Variants in JOSD2 observed in about 807,000 individuals in gnomAD.
JOSD2 encodes josephin-2.
JOSD2 carries 20 observed loss-of-function variants against 19.3 expected under a neutral mutation model. That is an observed-to-expected ratio of 1.04 (90% CI 0.73 to 1.51). JOSD2 has a LOEUF of 1.51. Ranked by LOEUF, JOSD2 falls within the 40% of genes most tolerant of loss-of-function variation. The probability of loss-of-function intolerance (pLI) is 0.00; values close to 1 mark genes in which losing one functional copy is unlikely to be tolerated. For missense variants in JOSD2, 215 were observed against 250.4 expected (o/e 0.86, Z 0.95); for synonymous variants, 118 against 123.7 (o/e 0.95, Z 0.31).
intron 3 of JOSD2, among the ~76,000 whole-genome samples, chr19:50,506,858 C>A (rs1025947690): frequency 1.4e-5 from 2 of 146,740 alleles, no homozygotes; most frequent in African/African-American, 5.1e-5. Context: ...ACCACCATCA[C>A]CCTGTCTGTC....
At chr19:50,507,342 C>G (rs1029750760) in intron 3 of JOSD2, among the ~76,000 whole-genome samples, 1 of 151,998 alleles carries the variant, frequency 6.6e-6, no homozygotes, top group African/African-American at 2.4e-5. Flanking sequence ...TTCACTCCCC[C>G]TGACCCAACA....
chr19:50,509,539 G>C (rs1263143824), intron 2 of JOSD2, among the ~76,000 whole-genome samples: 1 of 152,204 alleles, frequency 6.6e-6, no homozygotes, highest in East Asian at 1.9e-4. Flanking sequence ...TTTGAGGGGG[G>C]CCGTGAGGGC....
Position 50,507,623 on chromosome 19 carries a change from C to T in JOSD2, c.223G>A (p.Ala75Thr). ...TGNYDVNVIM[A>T]ALQGLGLAAV... ...GCCAGGCCCAGCCCCTGCAGAGCGG[C>T]CATGATCACATTGACATCATAGTTG... The change falls in exon 3 of 5, where the codon GCC becomes ACC. Residue 75 changes from alanine to threonine, a missense_variant. Physicochemically the swap from Ala to Thr is moderately conservative, Grantham distance 58 (BLOSUM62 0). Transcript: ENST00000598418. The T allele has an allele frequency of 6.2e-7, 1 of 1,611,052 alleles. No homozygotes were observed. Among genetic ancestry groups the T allele is most frequent in the Non-Finnish European group, 8.5e-7 (1 of 1,179,936 alleles).
At chr19:50,509,922 G>A (rs1191421932) in intron 2 of JOSD2, among the ~76,000 whole-genome samples, 2 of 151,718 alleles carry the variant, frequency 1.3e-5, no homozygotes, top group African/African-American at 4.8e-5. Context: ...GCGTGGTGGC[G>A]GGTGCCTGTA....
At chr19:50,511,009 C>T in intron 1 of JOSD2, 108 bp downstream of exon 1, 2 of 438,300 alleles carry the variant, frequency 4.6e-6, no homozygotes, top group Non-Finnish European at 4.6e-6. Context: ...AGTTCCTCTT[C>T]CTATCACCCA....
chr19:50,510,590 C>T lies in JOSD2; in HGVS notation c.-17-142G>A, dbSNP rs148854267. ...GACACTGGGCCCCTGACCCCGCTCCCTGGCAGTCTCCTGGCAGCACACGTC... is the reference window on the plus strand; with the variant it reads ...GACACTGGGCCCCTGACCCCGCTCCTTGGCAGTCTCCTGGCAGCACACGTC... On this transcript the variant is annotated intron_variant, in intron 1 of 4. Coordinates refer to ENST00000598418, the MANE Select transcript of JOSD2 (RefSeq NM_001270639.2). 1,665 of 705,066 alleles carry T rather than the reference C, an allele frequency of 2.4e-3. 23 individuals are homozygous for T. In the African/African-American group the frequency reaches 0.027, roughly 11 times the overall value. The allele number at this position is 705,066 out of a possible 1,614,324, so 43.7% of individuals were successfully genotyped here. A position where few individuals can be genotyped will look rare whatever the true frequency, so the allele number is the denominator to read the frequency against.
At chr19:50,508,766 C>A (rs1439811030) in intron 2 of JOSD2, among the ~76,000 whole-genome samples, 1 of 150,682 alleles carries the variant, frequency 6.6e-6, no homozygotes, top group African/African-American at 2.5e-5. Flanking sequence ...TAGGCTGGCA[C>A]TTGTGTCTGA....
intron 1 of JOSD2, 180 bp downstream of exon 1, chr19:50,510,937 G>C (rs1979795001): frequency 2.8e-6 from 1 of 358,896 alleles, no homozygotes; most frequent in African/African-American, 2.2e-5. Flanking sequence ...TCATGTAGCA[G>C]CGAGGCTCTC....
At chr19:50,509,151 C>T (rs1979576098) in intron 2 of JOSD2, among the ~76,000 whole-genome samples, 1 of 148,036 alleles carries the variant, frequency 6.8e-6, no homozygotes. Flanking sequence ...TTGCCCGGCT[C>T]ACTGAAACCT....
chr19:50,509,144 C>T (rs1246193084), intron 2 of JOSD2, among the ~76,000 whole-genome samples: 1 of 139,474 alleles, frequency 7.2e-6, no homozygotes, highest in Non-Finnish European at 1.5e-5. Flanking sequence ...TGCTCTGTTG[C>T]CCGGCTCACT....
At chr19:50,507,890 C>A in intron 2 of JOSD2, 191 bp from the exon 3 acceptor site, 1 of 684,430 alleles carries the variant, frequency 1.5e-6, no homozygotes, top group East Asian at 2.7e-5. Flanking sequence ...TCTCTCCTGC[C>A]CTGACTCTGC....
Position 50,506,174 on chromosome 19 carries a change from C to T in JOSD2, c.566G>A (p.Ter189=). 1 of 1,612,254 alleles carries T rather than the reference C, an allele frequency of 6.2e-7. No homozygotes were observed. Among genetic ancestry groups the T allele is most frequent in the Middle Eastern group, 1.7e-4 (1 of 6,022 alleles). Residue 189 remains the stop codon, a stop_retained_variant, in exon 5 of 5, where the codon TGA becomes TAA. Transcript: ENST00000598418. The part of the protein sequence containing the change: ...EEKGSWLRTD[*] ...GTGGGCGCCGATGGTCAGCCATGGT[C>T]AGTCTGTCCGCAGCCAGCTGCCCTT...
At chr19:50,507,238 C>T (rs1979428276) in intron 3 of JOSD2, among the ~76,000 whole-genome samples, 1 of 151,210 alleles carries the variant, frequency 6.6e-6, no homozygotes, top group African/African-American at 2.4e-5. Flanking sequence ...GCCACATGCC[C>T]AGCCACTGGC....
rs1979308276 is a variant in JOSD2, at chr19:50,506,112, T to C, written c.*61A>G. The C allele has an allele frequency of 6.6e-7, 1 of 1,509,940 alleles. No individual in the cohort carries two copies. The highest frequency in any genetic ancestry group is 9.1e-7 in the Non-Finnish European group (1 of 1,096,436). 93.5% of individuals were successfully genotyped at this position (1,509,940 alleles called of 1,614,324 possible). A position where few individuals can be genotyped will look rare whatever the true frequency, so the allele number is the denominator to read the frequency against. On this transcript the variant is annotated 3_prime_UTR_variant, in exon 5 of 5. Coordinates refer to ENST00000598418, the MANE Select transcript of JOSD2 (RefSeq NM_001270639.2). ...GTGCTGGCCTTTCCCAGGCATGCAG[T>C]GTGCGCAGCCGGAGGGGGATGCGCA...
At position 50,510,375 on chromosome 19, in the gene JOSD2, CTGCCGTTCG is replaced by C; in HGVS notation, c.48_56del (p.His16_Arg18del). The C allele has an allele frequency of 1.2e-6, 2 of 1,613,528 alleles. No individual in the cohort carries two copies. The highest frequency in any genetic ancestry group is 1.7e-6 in the Non-Finnish European group (2 of 1,179,958). ...CGTGGACAGCACACAGCTCCAGGCG[CTGCCGTTCG>C]TGGTACACGGTGGGTGGGCTCGGCT... On this transcript the variant is annotated inframe_deletion, in exon 2 of 5. Transcript: ENST00000598418.
chr19:50,506,446 G>T lies in JOSD2; in HGVS notation c.399C>A (p.Asp133Glu), dbSNP rs572616465. 1.9e-6 allele frequency: 3 copies of T among 1,597,786 alleles called. No homozygotes were observed. The Admixed American group carries it at 5.2e-5, about 28-fold the overall frequency. Residue 133 changes from aspartate to glutamate, a missense_variant, in exon 4 of 5, where the codon GAC becomes GAA. By Grantham distance (45) the Asp-to-Glu change is conservative. Transcript: ENST00000598418. Reference protein sequence around the residue: ...RRHWVALRQVDGVYYNLDSKL... With the variant: ...RRHWVALRQVEGVYYNLDSKL... Reference sequence around the variant, plus strand: ...TGGAGTCCAGGTTGTAGTAGACACCGTCCACCTGGCGCAGGGCCACCCAGT... The same window carrying T: ...TGGAGTCCAGGTTGTAGTAGACACCTTCCACCTGGCGCAGGGCCACCCAGT...
In JOSD2 at chr19:50,506,545, C is replaced by T. The variant is rs1235417704; in HGVS notation, c.300G>A (p.Gln100=). 6.5e-7 allele frequency: 1 copy of T among 1,546,466 alleles called. No individual in the cohort carries two copies. Among genetic ancestry groups the T allele is most frequent in the Non-Finnish European group, 8.7e-7 (1 of 1,144,772 alleles). ...RRPLSQLALP[Q]VLGLILNLPS... Reference sequence around the variant, plus strand: ...GCAGGTTCAGGATCAGCCCCAGTACCTGGGGCAGGGCCAGCTGGGACAGGG... The same window carrying T: ...GCAGGTTCAGGATCAGCCCCAGTACTTGGGGCAGGGCCAGCTGGGACAGGG... Residue 100 remains glutamine (Q), a synonymous_variant, in exon 4 of 5, where the codon CAG becomes CAA. Coordinates refer to ENST00000598418, the MANE Select transcript of JOSD2 (RefSeq NM_001270639.2).
At chr19:50,508,698 C>CCT (rs1319710353) in intron 2 of JOSD2, among the ~76,000 whole-genome samples, 3 of 140,818 alleles carry the variant, frequency 2.1e-5, no homozygotes, top group South Asian at 2.4e-4. Flanking sequence ...GGAAAACGCT[C>CCT]GTGTGTGTGT....
At chr19:50,510,071 A>C (rs1979675478) in intron 2 of JOSD2, 2 of 498,872 alleles carry the variant, frequency 4.0e-6, no homozygotes, top group South Asian at 2.5e-5. Flanking sequence ...AAAAAAAGAA[A>C]GAACCACTGG....
Sources: gnomAD v4.1 joint callset for allele counts (sites outside exome capture counted in the v4.1 genomes callset) on GRCh38, gnomAD v4.1.1 for gene constraint, MANE v1.5 for transcripts, NCBI Gene and HGNC (gene_info 2026-07-23, HGNC 2026-07-21) for gene names.